Variants in IL1RAPL2 observed in about 807,000 individuals in gnomAD.
IL1RAPL2 encodes the protein interleukin 1 receptor accessory protein like 2.
Under a neutral mutation model 44.1 loss-of-function variants are expected in IL1RAPL2, and 3 were observed. The ratio of observed to expected loss-of-function variants is 0.07; its 90% confidence interval spans 0.03 to 0.18. The LOEUF (loss-of-function observed/expected upper bound fraction) is 0.18. Ranked by LOEUF, IL1RAPL2 falls within the 10% of genes least tolerant of loss-of-function variation. The pLI, the probability that IL1RAPL2 is intolerant of heterozygous loss-of-function variation, is 1.00. For missense variants in IL1RAPL2, 391 were observed against 496.4 expected (o/e 0.79, Z 2.02); for synonymous variants, 181 against 178.8 (o/e 1.01, Z -0.10).
intron 1 of IL1RAPL2, among the ~76,000 whole-genome samples, chrX:104,629,920 G>T (rs1272796676): frequency 8.9e-6 from 1 of 111,767 alleles, no homozygotes; most frequent in South Asian, 3.7e-4. Flanking sequence ...TGCTATTTTG[G>T]TTACTATAGT....
intron 5 of IL1RAPL2, among the ~76,000 whole-genome samples, chrX:105,431,442 C>T (rs897979400): frequency 2.7e-5 from 3 of 111,283 alleles, no homozygotes; most frequent in Admixed American, 9.6e-5. Flanking sequence ...TGTTTCAGCA[C>T]CATAACCTCC....
chrX:104,625,105 A>G (rs1158500748), intron 1 of IL1RAPL2, among the ~76,000 whole-genome samples: 2 of 111,509 alleles, frequency 1.8e-5, no homozygotes, highest in Non-Finnish European at 3.8e-5. Flanking sequence ...TCTATTAACA[A>G]CATACTTTGA....
intron 2 of IL1RAPL2, among the ~76,000 whole-genome samples, chrX:104,662,739 T>C (rs1367998026): frequency 6.3e-5 from 7 of 111,993 alleles, no homozygotes; most frequent in African/African-American, 2.3e-4. Flanking sequence ...CATTAAATCA[T>C]CCCCTTAACT....
intron 5 of IL1RAPL2, among the ~76,000 whole-genome samples, chrX:105,447,095 A>ATATATATATATG: frequency 1.7e-5 from 1 of 58,259 alleles, no homozygotes; most frequent in East Asian, 4.6e-4. Flanking sequence ...ATATATATAT[A>ATATATATATATG]TATATATATA....
At chrX:105,470,249 T>A (rs2036157474) in intron 5 of IL1RAPL2, among the ~76,000 whole-genome samples, 1 of 111,820 alleles carries the variant, frequency 8.9e-6, no homozygotes, top group Non-Finnish European at 1.9e-5. Flanking sequence ...CACTTGATCC[T>A]CATATTAACT....
At chrX:104,997,922 A>G (rs1046930538) in intron 2 of IL1RAPL2, among the ~76,000 whole-genome samples, 1 of 111,234 alleles carries the variant, frequency 9.0e-6, no homozygotes, top group African/African-American at 3.3e-5. Flanking sequence ...GAAATTGAAC[A>G]TAAGACTCTG....
chrX:105,415,571 C>A (rs922410319), intron 5 of IL1RAPL2, among the ~76,000 whole-genome samples: 10 of 111,378 alleles, frequency 9.0e-5, no homozygotes, highest in African/African-American at 3.3e-4. Flanking sequence ...ACTGTACTTT[C>A]TTTATATTTT....
At chrX:105,458,967 T>G (rs2036075179) in intron 5 of IL1RAPL2, among the ~76,000 whole-genome samples, 1 of 111,578 alleles carries the variant, frequency 9.0e-6, no homozygotes, top group Admixed American at 9.6e-5. Context: ...CTGTTAAGGA[T>G]ACCAGGGAGC....
At chrX:104,737,136 C>T (rs1033867323) in intron 2 of IL1RAPL2, among the ~76,000 whole-genome samples, 1 of 112,479 alleles carries the variant, frequency 8.9e-6, no homozygotes, top group African/African-American at 3.2e-5. Flanking sequence ...CAGCTCAAGG[C>T]CATGGAAAAC....
chrX:105,335,443 G>T (rs1167577851), intron 5 of IL1RAPL2, among the ~76,000 whole-genome samples: 1 of 111,031 alleles, frequency 9.0e-6, no homozygotes, highest in Non-Finnish European at 1.9e-5. Context: ...TGAGTCCTCG[G>T]TTCAGATGAC....
At position 105,267,517 on chromosome X, in the gene IL1RAPL2, C is replaced by T. The variant is rs759521695; in HGVS notation, c.673C>T (p.Arg225Ter). Residue 225 changes from arginine (R) to a stop codon, truncating the protein, a stop_gained, in exon 5 of 11, where the codon CGA (arginine) becomes TGA (stop). Transcript: ENST00000372582. LOFTEE classifies it high-confidence loss of function. ...ELKYEGKLVR[R>*]TTELKVTALL... ...TAAATATGAAGGAAAACTTGTAAGA[C>T]GAACAACTGAATTGAAAGTTACAGG... The T allele has an allele frequency of 8.4e-7, 1 of 1,187,058 alleles. No individual in the cohort carries two copies. Among genetic ancestry groups the T allele is most frequent in the South Asian group, 1.9e-5 (1 of 52,673 alleles).
intron 6 of IL1RAPL2, among the ~76,000 whole-genome samples, chrX:105,674,229 A>T (rs975863610): frequency 8.9e-6 from 1 of 112,106 alleles, no homozygotes; most frequent in Non-Finnish European, 1.9e-5. Flanking sequence ...TTATTTCATC[A>T]TGACATCTTT....
At chrX:105,300,194 G>T (rs1359777633) in intron 5 of IL1RAPL2, among the ~76,000 whole-genome samples, 1 of 111,365 alleles carries the variant, frequency 9.0e-6, no homozygotes, top group African/African-American at 3.3e-5. Context: ...AGAAATACCT[G>T]GGGGAAAAAT....
chrX:105,034,107 T>C (rs1026344720), intron 2 of IL1RAPL2, among the ~76,000 whole-genome samples: 3 of 111,958 alleles, frequency 2.7e-5, no homozygotes, highest in Non-Finnish European at 5.6e-5. Flanking sequence ...GCATTGGTTA[T>C]TGTAGGTATC....
At chrX:105,214,049 TA>T (rs1247727930) in intron 3 of IL1RAPL2, among the ~76,000 whole-genome samples, 2 of 105,336 alleles carry the variant, frequency 1.9e-5, no homozygotes, top group Non-Finnish European at 3.9e-5. Context: ...CCTCTATGAA[TA>T]AACTGCATCA....
At chrX:105,422,035 C>T (rs2035777167) in intron 5 of IL1RAPL2, among the ~76,000 whole-genome samples, 1 of 112,060 alleles carries the variant, frequency 8.9e-6, no homozygotes, top group Non-Finnish European at 1.9e-5. Context: ...TCCAGTTTTC[C>T]ATTTTTACTA....
chrX:104,731,188 A>G (rs1296705428), intron 2 of IL1RAPL2, among the ~76,000 whole-genome samples: 9 of 109,681 alleles, frequency 8.2e-5, no homozygotes, highest in Non-Finnish European at 1.7e-4. Context: ...CTCTGATGGT[A>G]GTTTCTTTTG....
intron 5 of IL1RAPL2, among the ~76,000 whole-genome samples, chrX:105,447,782 A>AACATATAAATATAT (rs2035980311): frequency 4.7e-5 from 4 of 84,542 alleles, no homozygotes; most frequent in African/African-American, 2.2e-4. Flanking sequence ...AAATATATTA[A>AACATATAAATATAT]AAATATATAT....
chrX:104,728,580 C>T (rs936013302), intron 2 of IL1RAPL2, among the ~76,000 whole-genome samples: 6 of 110,731 alleles, frequency 5.4e-5, no homozygotes, highest in Admixed American at 4.8e-4. Context: ...GGATAGGGTG[C>T]GCACCTAATA....
Sources: gnomAD v4.1 joint callset for allele counts (sites outside exome capture counted in the v4.1 genomes callset) on GRCh38, gnomAD v4.1.1 for gene constraint, MANE v1.5 for transcripts, NCBI Gene and HGNC (gene_info 2026-07-23, HGNC 2026-07-21) for gene names.